The following FAT3 variants were observed in gnomAD, a reference collection of about 807,000 sequenced individuals.
FAT3 encodes FAT atypical cadherin 3, also known as protocadherin Fat 3.
In FAT3, 95 loss-of-function variants were observed where a neutral mutation model predicts 310.2. The ratio of observed to expected loss-of-function variants is 0.31; its 90% confidence interval spans 0.26 to 0.36. FAT3 has a LOEUF of 0.36. Among genes scored for constraint, FAT3 ranks in the 10% least tolerant of loss-of-function variants. The probability of loss-of-function intolerance (pLI) is 1.00; values close to 1 mark genes in which losing one functional copy is unlikely to be tolerated. For missense variants in FAT3, 5,408 were observed against 5,715.6 expected (o/e 0.95, Z 1.74); for synonymous variants, 2,314 against 2,192.9 (o/e 1.06, Z -1.54).
chr11:92,712,169 A>G (rs1332575459), intron 4 of FAT3, among the ~76,000 whole-genome samples: 1 of 152,188 alleles, frequency 6.6e-6, no homozygotes, highest in African/African-American at 2.4e-5. Context: ...GAGAGGGCAC[A>G]TATGCCTTCT....
At chr11:92,435,272 C>A (rs758214789) in intron 2 of FAT3, among the ~76,000 whole-genome samples, 2 of 152,144 alleles carry the variant, frequency 1.3e-5, no homozygotes, top group Non-Finnish European at 2.9e-5. Flanking sequence ...CAGAGTCATT[C>A]TCAGGGTATG....
intron 3 of FAT3, among the ~76,000 whole-genome samples, chr11:92,558,977 A>G (rs1406445032): frequency 6.6e-6 from 1 of 152,218 alleles, no homozygotes; most frequent in Non-Finnish European, 1.5e-5. Flanking sequence ...GTTACATGCT[A>G]GGTGTCCTGC....
chr11:92,783,873 T>C (rs1386739425), intron 7 of FAT3, among the ~76,000 whole-genome samples: 2 of 152,192 alleles, frequency 1.3e-5, no homozygotes, highest in African/African-American at 4.8e-5. Context: ...TAGATTCTAA[T>C]TTTAAAGGGA....
intron 1 of FAT3, among the ~76,000 whole-genome samples, chr11:92,233,586 G>A (rs1229158819): frequency 6.6e-6 from 1 of 152,172 alleles, no homozygotes; most frequent in Non-Finnish European, 1.5e-5. Context: ...CGTAATGTAT[G>A]TGTGATCCTA....
At chr11:92,542,816 A>G (rs942150940) in intron 3 of FAT3, among the ~76,000 whole-genome samples, 3 of 152,136 alleles carry the variant, frequency 2.0e-5, no homozygotes, top group African/African-American at 7.2e-5. Flanking sequence ...CAGCTATCCT[A>G]CTACTGGATA....
At chr11:92,403,717 A>T (rs1950074089) in intron 2 of FAT3, among the ~76,000 whole-genome samples, 1 of 152,164 alleles carries the variant, frequency 6.6e-6, no homozygotes, top group Non-Finnish European at 1.5e-5. Context: ...TCAGCAGAGA[A>T]AAGTTTATAT....
intron 2 of FAT3, among the ~76,000 whole-genome samples, chr11:92,416,285 G>A (rs1419483733): frequency 6.6e-6 from 1 of 150,868 alleles, no homozygotes; most frequent in Non-Finnish European, 1.5e-5. Context: ...TCGGGAGGCT[G>A]AGGCAGGAGA....
chr11:92,526,384 C>A (rs1359737473), intron 3 of FAT3, among the ~76,000 whole-genome samples: 1 of 152,112 alleles, frequency 6.6e-6, no homozygotes, highest in Non-Finnish European at 1.5e-5. Context: ...GAAGTTGAGG[C>A]CACAGGTATC....
At chr11:92,512,778 C>T (rs1031583007) in intron 2 of FAT3, among the ~76,000 whole-genome samples, 6 of 151,600 alleles carry the variant, frequency 4.0e-5, no homozygotes, top group African/African-American at 1.2e-4. Context: ...TGACTTTCTG[C>T]AAATTGTATT....
intron 3 of FAT3, among the ~76,000 whole-genome samples, chr11:92,639,005 C>T (rs1366762002): frequency 6.6e-6 from 1 of 152,256 alleles, no homozygotes; most frequent in African/African-American, 2.4e-5. Flanking sequence ...TTTATTCTCC[C>T]ATTTACCCAC....
chr11:92,353,970 G>T lies in FAT3; in HGVS notation c.1858G>T (p.Glu620Ter). ...LVKYKIISGN[E>*]LGFFYLNPDS... The stretch of plus-strand genomic sequence containing the variant: ...AAAGTACAAAATCATTTCTGGAAAT[G>T]AACTTGGCTTCTTTTATTTAAACCC... The change falls in exon 2 of 28, where the codon GAA (glutamate) becomes TAA (stop). Residue 620 changes from glutamate to a stop codon, truncating the protein, a stop_gained. Coordinates refer to ENST00000525166, the MANE Select transcript of FAT3 (RefSeq NM_001367949.2). LOFTEE classifies it high-confidence loss of function. 6.2e-7 allele frequency: 1 copy of T among 1,612,640 alleles called. No homozygotes were observed. The highest frequency in any genetic ancestry group is 1.1e-5 in the South Asian group (1 of 90,966).
At chr11:92,616,129 T>A (rs1178666764) in intron 3 of FAT3, among the ~76,000 whole-genome samples, 2 of 152,220 alleles carry the variant, frequency 1.3e-5, no homozygotes, top group African/African-American at 4.8e-5. Flanking sequence ...TTTGTAGGTC[T>A]CTAAAGACTT....
chr11:92,641,601 C>T (rs1268366541), intron 3 of FAT3, among the ~76,000 whole-genome samples: 1 of 152,180 alleles, frequency 6.6e-6, no homozygotes, highest in African/African-American at 2.4e-5. Flanking sequence ...TGTTCCATAT[C>T]CCCCTCTGCC....
At chr11:92,510,888 A>G (rs1231470392) in intron 2 of FAT3, among the ~76,000 whole-genome samples, 16 of 152,202 alleles carry the variant, frequency 1.1e-4, no homozygotes, top group Admixed American at 9.8e-4. Flanking sequence ...TTCTGCAAAG[A>G]TGAAAGATGC....
At chr11:92,687,932 G>A (rs1943679349) in intron 3 of FAT3, among the ~76,000 whole-genome samples, 1 of 151,902 alleles carries the variant, frequency 6.6e-6, no homozygotes, top group African/African-American at 2.4e-5. Context: ...TGGGCAAGGT[G>A]ACTCACACGT....
intron 1 of FAT3, among the ~76,000 whole-genome samples, chr11:92,333,783 G>A (rs769187476): frequency 6.6e-5 from 10 of 151,688 alleles, no homozygotes; most frequent in Non-Finnish European, 8.8e-5. Context: ...TTGAAGGAAG[G>A]GTGGGATGTT....
At chr11:92,832,241 T>C (rs1948282893) in intron 14 of FAT3, among the ~76,000 whole-genome samples, 2 of 152,070 alleles carry the variant, frequency 1.3e-5, no homozygotes, top group African/African-American at 4.8e-5. Context: ...GACGTTGAGA[T>C]GGGAGAATTA....
chr11:92,617,897 G>A (rs541172374), intron 3 of FAT3, among the ~76,000 whole-genome samples: 1 of 152,170 alleles, frequency 6.6e-6, no homozygotes, highest in Non-Finnish European at 1.5e-5. Context: ...AGCCCCTACT[G>A]GGGGGTGTCT....
intron 1 of FAT3, among the ~76,000 whole-genome samples, chr11:92,293,708 A>T (rs981903853): frequency 6.6e-6 from 1 of 151,590 alleles, no homozygotes; most frequent in Admixed American, 6.6e-5. Flanking sequence ...TAGCCCTCAT[A>T]GCTACAGGAG....
Sources: allele counts gnomAD v4.1 joint callset (sites outside exome capture counted in the v4.1 genomes callset), GRCh38; gene constraint gnomAD v4.1.1; transcripts MANE v1.5; gene names NCBI Gene and HGNC (gene_info 2026-07-23, HGNC 2026-07-21).